The following DYM variants were observed in gnomAD, a reference collection of about 807,000 sequenced individuals.
DYM encodes dyggve-Melchior-Clausen syndrome protein.
Under a neutral mutation model 93.1 loss-of-function variants are expected in DYM, and 78 were observed. That is an observed-to-expected ratio of 0.84 (90% confidence interval 0.70 to 1.01). The LOEUF (loss-of-function observed/expected upper bound fraction) is 1.01, where lower values mean the gene tolerates loss of function less well. Ranked by LOEUF, DYM falls within the 50% of genes least tolerant of loss-of-function variation. The probability of loss-of-function intolerance (pLI) is 0.00; values close to 1 mark genes in which losing one functional copy is unlikely to be tolerated. For missense variants in DYM, 789 were observed against 845.0 expected (o/e 0.93, Z 0.82); for synonymous variants, 321 against 319.7 (o/e 1.00, Z -0.04).
At chr18:49,156,619 C>A (rs917253443) in intron 15 of DYM, among the ~76,000 whole-genome samples, 2 of 151,162 alleles carry the variant, frequency 1.3e-5, no homozygotes, top group African/African-American at 4.9e-5. Flanking sequence ...ATAGTCCCAG[C>A]TACTTGGGAG....
At chr18:49,278,192 T>C (rs925986319) in intron 10 of DYM, among the ~76,000 whole-genome samples, 7 of 152,240 alleles carry the variant, frequency 4.6e-5, no homozygotes, top group Admixed American at 2.6e-4. Context: ...ATTTCTTTTA[T>C]AATTAATGAT....
chr18:49,394,516 CT>C (rs1315633370), intron 2 of DYM, among the ~76,000 whole-genome samples: 2 of 152,044 alleles, frequency 1.3e-5, no homozygotes, highest in African/African-American at 4.8e-5. Context: ...TATTCTGGGT[CT>C]TCTGTGTTGC....
chr18:49,268,430 C>T (rs984166084), intron 11 of DYM, among the ~76,000 whole-genome samples: 1 of 152,208 alleles, frequency 6.6e-6, no homozygotes, highest in Non-Finnish European at 1.5e-5. Flanking sequence ...CTTTCCCTAT[C>T]TTACCAACCC....
Position 49,377,623 on chromosome 18 carries a change from T to C in DYM, c.421+944A>G, listed in dbSNP as rs187777357. Among the ~76,000 whole-genome samples the C allele has an allele frequency of 8.0e-4, 122 of 152,222 alleles. 1 individual carries two copies. The highest frequency in any genetic ancestry group is 2.7e-3 in the African/African-American group (113 of 41,558). On this transcript the variant is annotated intron_variant, in intron 5 of 17. Transcript: ENST00000675505. The stretch of plus-strand genomic sequence containing the variant: ...AATAGAATTTAAGAAATATTCCCCA[T>C]AGACATGGATATACTGAAAAATCAG...
At chr18:49,088,074 A>G (rs1436045718) in intron 17 of DYM, among the ~76,000 whole-genome samples, 1 of 151,522 alleles carries the variant, frequency 6.6e-6, no homozygotes, top group East Asian at 1.9e-4. Context: ...TTGCCTGTTC[A>G]CTCTGATGGT....
chr18:49,441,306 TAATTA>T (rs1417347024), intron 1 of DYM, among the ~76,000 whole-genome samples: 9,682 of 50,102 alleles, frequency 0.19, 1,287 homozygotes, highest in African/African-American at 0.28. Flanking sequence ...TAATTATATA[TAATTA>T]ATATATAATT....
chr18:49,247,437 A>T (rs1261968452), intron 13 of DYM, among the ~76,000 whole-genome samples: 1 of 152,214 alleles, frequency 6.6e-6, no homozygotes, highest in Non-Finnish European at 1.5e-5. Flanking sequence ...GAAAGTAGGT[A>T]AAAATCTTAC....
At chr18:49,142,578 G>C (rs779748675) in intron 15 of DYM, among the ~76,000 whole-genome samples, 2 of 152,120 alleles carry the variant, frequency 1.3e-5, no homozygotes, top group African/African-American at 4.8e-5. Flanking sequence ...TCTCTTTCCA[G>C]ACAAAAAATT....
At chr18:49,120,665 CTTATATTAGT>C (rs1336347171) in intron 15 of DYM, among the ~76,000 whole-genome samples, 2 of 152,258 alleles carry the variant, frequency 1.3e-5, no homozygotes, top group East Asian at 3.9e-4. Flanking sequence ...GGAGGACTGA[CTTATATTAGT>C]ATCAGGTAAA....
chr18:49,140,519 C>T (rs1231806870), intron 15 of DYM, among the ~76,000 whole-genome samples: 1 of 152,126 alleles, frequency 6.6e-6, no homozygotes, highest in African/African-American at 2.4e-5. Context: ...TAGTATTTTT[C>T]ACTTGGTTTA....
intron 11 of DYM, among the ~76,000 whole-genome samples, chr18:49,261,843 C>CT (rs1375251561): frequency 1.3e-5 from 2 of 152,192 alleles, no homozygotes; most frequent in African/African-American, 4.8e-5. Context: ...GGAACAAACA[C>CT]TATCTTGAGT....
At chr18:49,405,388 T>G (rs369869905) in intron 2 of DYM, among the ~76,000 whole-genome samples, 7 of 152,340 alleles carry the variant, frequency 4.6e-5, no homozygotes, top group African/African-American at 1.4e-4. Context: ...TTCTTGCATT[T>G]AAATCTTTAA....
At chr18:49,215,777 T>C (rs1446757888) in intron 13 of DYM, among the ~76,000 whole-genome samples, 4 of 152,242 alleles carry the variant, frequency 2.6e-5, no homozygotes, top group Non-Finnish European at 4.4e-5. Context: ...GCAGCCAAGA[T>C]GGCCGAATAG....
At chr18:49,291,893 T>C (rs575394369) in intron 8 of DYM, among the ~76,000 whole-genome samples, 63 of 152,320 alleles carry the variant, frequency 4.1e-4, no homozygotes, top group Non-Finnish European at 1.6e-4. Context: ...TGATTTGTGT[T>C]GTTTATTTGT....
At chr18:49,241,442 G>C (rs2094006799) in intron 13 of DYM, among the ~76,000 whole-genome samples, 1 of 152,168 alleles carries the variant, frequency 6.6e-6, no homozygotes, top group Non-Finnish European at 1.5e-5. Flanking sequence ...TAGATGGCTA[G>C]ACTTATAATT....
intron 17 of DYM, among the ~76,000 whole-genome samples, chr18:49,073,790 A>C (rs1227232613): frequency 6.6e-6 from 1 of 152,034 alleles, no homozygotes; most frequent in African/African-American, 2.4e-5. Flanking sequence ...CATTTAATCC[A>C]TTTTTTCTTC....
At chr18:49,202,405 CG>C (rs1213390253) in intron 14 of DYM, among the ~76,000 whole-genome samples, 42 of 149,840 alleles carry the variant, frequency 2.8e-4, no homozygotes, top group African/African-American at 1.0e-3. Context: ...AGCCTCTGCC[CG>C]GCCGCCACCC....
intron 5 of DYM, among the ~76,000 whole-genome samples, chr18:49,365,573 C>T (rs1167264215): frequency 6.6e-6 from 1 of 152,152 alleles, no homozygotes; most frequent in Non-Finnish European, 1.5e-5. Flanking sequence ...GTAATATATA[C>T]TCAATGTACG....
At chr18:49,391,478 T>G in intron 3 of DYM, 115 bp downstream of exon 3, 1 of 1,092,826 alleles carries the variant, frequency 9.2e-7, no homozygotes. Flanking sequence ...TAGAAAAAAT[T>G]ATTACTATTG....
Sources: gnomAD v4.1 joint callset for allele counts (sites outside exome capture counted in the v4.1 genomes callset) on GRCh38, gnomAD v4.1.1 for gene constraint, MANE v1.5 for transcripts, NCBI Gene and HGNC (gene_info 2026-07-23, HGNC 2026-07-21) for gene names.